Variants in CALD1 observed in about 807,000 individuals in gnomAD.
CALD1 encodes caldesmon 1, also known as caldesmon.
Under a neutral mutation model 99.9 loss-of-function variants are expected in CALD1, and 33 were observed. The observed-to-expected ratio is 0.33, with a 90% CI of 0.25 to 0.44. The LOEUF (loss-of-function observed/expected upper bound fraction) is 0.44. Ranked by LOEUF, CALD1 falls within the 20% of genes least tolerant of loss-of-function variation. CALD1 has a pLI of 1.00. For synonymous variants in CALD1, 310 were observed against 325.0 expected (o/e 0.95, Z 0.50); for missense variants, 861 against 962.1 (o/e 0.89, Z 1.39).
chr7:134,898,755 A>G (rs1205990645), intron 3 of CALD1, among the ~76,000 whole-genome samples: 1 of 151,976 alleles, frequency 6.6e-6, no homozygotes, highest in Non-Finnish European at 1.5e-5. Flanking sequence ...GAGTTTTGCC[A>G]TGTTGGCCAG....
chr7:134,934,867 A>C (rs1445103440), intron 5 of CALD1, among the ~76,000 whole-genome samples: 1 of 152,142 alleles, frequency 6.6e-6, no homozygotes, highest in African/African-American at 2.4e-5. Flanking sequence ...CAACAGGGAG[A>C]GACTCCATCT....
At position 134,815,328 on chromosome 7, in the gene CALD1, A is replaced by G. The variant is rs924343442; in HGVS notation, c.-129-28556A>G. 3.3e-5 allele frequency among the ~76,000 whole-genome samples: 5 copies of G among 152,114 alleles called. No homozygotes were observed. The East Asian group carries it at 5.8e-4, about 18-fold the overall frequency. ...AAGAAGAGATGAAAGGAGAACATAT[A>G]CTCCATGTTGTCTCTCCGGCTGGTC... On this transcript the variant is annotated intron_variant, in intron 1 of 14. Coordinates refer to ENST00000361675, the MANE Select transcript of CALD1 (RefSeq NM_033138.4).
chr7:134,914,614 A>G (rs906042382), intron 3 of CALD1, among the ~76,000 whole-genome samples: 4 of 152,144 alleles, frequency 2.6e-5, no homozygotes, highest in Non-Finnish European at 5.9e-5. Flanking sequence ...GCGCCTCACT[A>G]ATGCCCTTCA....
chr7:134,884,979 C>T (rs1485193366), intron 3 of CALD1, among the ~76,000 whole-genome samples: 4 of 152,164 alleles, frequency 2.6e-5, no homozygotes, highest in East Asian at 1.9e-4. Flanking sequence ...CATTCTGTCA[C>T]CCAGGCTAGA....
At chr7:134,940,162 T>C (rs913511615) in intron 6 of CALD1, among the ~76,000 whole-genome samples, 1 of 152,176 alleles carries the variant, frequency 6.6e-6, no homozygotes, top group Non-Finnish European at 1.5e-5. Flanking sequence ...CCATCGTGAA[T>C]GCACCTCACC....
intron 5 of CALD1, among the ~76,000 whole-genome samples, chr7:134,934,562 G>A (rs1009147381): frequency 6.6e-6 from 1 of 152,114 alleles, no homozygotes; most frequent in African/African-American, 2.4e-5. Flanking sequence ...GAGACATGAA[G>A]AATAATGGTC....
Position 134,843,297 on chromosome 7 carries a change from G to A in CALD1, c.-129-587G>A, listed in dbSNP as rs114800858. 3.6e-3 allele frequency among the ~76,000 whole-genome samples: 554 copies of A among 152,330 alleles called. 2 individuals are homozygous for A. Among genetic ancestry groups the A allele is most frequent in the African/African-American group, 0.013 (533 of 41,586 alleles). ...GTCTATTTGAAGTTGCGAGGTAACT[G>A]ATGGGAGAGAAAGATCTTAAACAGG... On this transcript the variant is annotated intron_variant, in intron 1 of 14. Transcript: ENST00000361675.
chr7:134,764,058 C>T (rs1176921343), intron 1 of CALD1, among the ~76,000 whole-genome samples: 1 of 151,910 alleles, frequency 6.6e-6, no homozygotes, highest in Non-Finnish European at 1.5e-5. Context: ...ATACATGTAA[C>T]AAAGTGTCCC....
chr7:134,793,635 C>T (rs1280708531), intron 1 of CALD1, among the ~76,000 whole-genome samples: 2 of 152,028 alleles, frequency 1.3e-5, no homozygotes, highest in Non-Finnish European at 2.9e-5. Context: ...ATGACTATAC[C>T]ATTTATCGTC....
the CALD1 span, among the ~76,000 whole-genome samples, chr7:134,715,492 G>C: frequency 1.3e-5 from 2 of 152,124 alleles, no homozygotes; most frequent in East Asian, 1.9e-4. Flanking sequence ...GGGTGTATAT[G>C]GTCAGCATTG....
intron 2 of CALD1, among the ~76,000 whole-genome samples, chr7:134,858,262 TTCAGCCAGTGTC>T (rs1440615628): frequency 6.6e-6 from 1 of 152,188 alleles, no homozygotes; most frequent in Non-Finnish European, 1.5e-5. Context: ...GTGATCTTTC[TTCAGCCAGTGTC>T]TCAGCTTCTT....
intron 1 of CALD1, among the ~76,000 whole-genome samples, chr7:134,813,242 AT>A (rs1459657279): frequency 6.6e-6 from 1 of 152,150 alleles, no homozygotes; most frequent in Non-Finnish European, 1.5e-5. Flanking sequence ...TAGAGACAAC[AT>A]TTTCAGAATT....
intron 3 of CALD1, among the ~76,000 whole-genome samples, chr7:134,889,649 C>T (rs556395921): frequency 6.6e-6 from 1 of 152,064 alleles, no homozygotes; most frequent in Non-Finnish European, 1.5e-5. Flanking sequence ...CAGAATGCCT[C>T]GATACATGTT....
intron 3 of CALD1, among the ~76,000 whole-genome samples, chr7:134,870,453 G>GA (rs1174040045): frequency 1.3e-5 from 2 of 152,148 alleles, no homozygotes; most frequent in African/African-American, 4.8e-5. Context: ...CTTAAGAATT[G>GA]ACCGCACGGC....
At chr7:134,862,185 A>G (rs1287183848) in intron 2 of CALD1, among the ~76,000 whole-genome samples, 1 of 152,212 alleles carries the variant, frequency 6.6e-6, no homozygotes, top group African/African-American at 2.4e-5. Flanking sequence ...TGTGGCAATC[A>G]CTGATAATAG....
intron 3 of CALD1, among the ~76,000 whole-genome samples, chr7:134,907,676 A>T (rs1803497834): frequency 6.6e-6 from 1 of 152,160 alleles, no homozygotes; most frequent in Admixed American, 6.5e-5. Flanking sequence ...TTAAAAAAAA[A>T]TTGTTTTCAA....
At chr7:134,930,663 T>C (rs949824644) in intron 4 of CALD1, among the ~76,000 whole-genome samples, 4 of 152,228 alleles carry the variant, frequency 2.6e-5, no homozygotes, top group Non-Finnish European at 4.4e-5. Context: ...GGTTCACTAA[T>C]TGACTTTGAC....
At chr7:134,934,137 A>G (rs987312431) in intron 5 of CALD1, 60 bp downstream of exon 5, 4 of 1,553,948 alleles carry the variant, frequency 2.6e-6, no homozygotes, top group African/African-American at 1.4e-5. Context: ...AATGTAATGC[A>G]CATCTGATTT....
At chr7:134,937,450 A>T (rs543127553) in intron 6 of CALD1, among the ~76,000 whole-genome samples, 8 of 152,224 alleles carry the variant, frequency 5.3e-5, no homozygotes, top group South Asian at 4.1e-4. Flanking sequence ...TGGTTTTTTT[A>T]AAAAAAGAAA....
Sources: allele counts gnomAD v4.1 joint callset (sites outside exome capture counted in the v4.1 genomes callset), GRCh38; gene constraint gnomAD v4.1.1; transcripts MANE v1.5; gene names NCBI Gene and HGNC (gene_info 2026-07-23, HGNC 2026-07-21).